Variants in CLMP observed in about 807,000 individuals in gnomAD.
CLMP encodes the protein CXADR like cell adhesion molecule.
In CLMP, 27 loss-of-function variants were observed where a neutral mutation model predicts 45.2. The observed-to-expected ratio is 0.60, with a 90% CI of 0.44 to 0.82. CLMP has a LOEUF of 0.82. Among genes scored for constraint, CLMP ranks in the 40% least tolerant of loss-of-function variants. The probability of loss-of-function intolerance (pLI) is 0.00; values close to 1 mark genes in which losing one functional copy is unlikely to be tolerated. For missense variants in CLMP, 403 were observed against 448.4 expected (o/e 0.90, Z 0.91); for synonymous variants, 167 against 171.4 (o/e 0.97, Z 0.20).
intron 2 of CLMP, among the ~76,000 whole-genome samples, chr11:123,095,694 A>G (rs368752610): frequency 5.9e-5 from 9 of 152,194 alleles, no homozygotes; most frequent in East Asian, 3.9e-4. Flanking sequence ...TTTACAACCA[A>G]GGAGCAGGGT....
chr11:123,150,436 AAAG>A (rs1363218639), intron 1 of CLMP, among the ~76,000 whole-genome samples: 1 of 62,706 alleles, frequency 1.6e-5, no homozygotes, highest in East Asian at 5.0e-4. Context: ...AGAAAGAAAG[AAAG>A]AAAGAAAGAA....
At chr11:123,127,788 G>A (rs1565390764) in intron 1 of CLMP, among the ~76,000 whole-genome samples, 1 of 152,106 alleles carries the variant, frequency 6.6e-6, no homozygotes, top group East Asian at 1.9e-4. Flanking sequence ...TGTAATTCCA[G>A]CACTTTGGGA....
intron 1 of CLMP, among the ~76,000 whole-genome samples, chr11:123,139,163 A>G (rs967455019): frequency 1.3e-5 from 2 of 152,064 alleles, no homozygotes; most frequent in African/African-American, 4.8e-5. Context: ...TGGCTTATAA[A>G]GCCTAAAATA....
intron 1 of CLMP, among the ~76,000 whole-genome samples, chr11:123,102,279 GTT>G (rs1174991262): frequency 2.6e-4 from 32 of 120,886 alleles, no homozygotes; most frequent in Admixed American, 3.9e-4. Context: ...ATCTTTCCAG[GTT>G]TTTTTTTTTT....
At chr11:123,094,190 C>G (rs924176541) in intron 2 of CLMP, among the ~76,000 whole-genome samples, 4 of 152,134 alleles carry the variant, frequency 2.6e-5, no homozygotes, top group African/African-American at 9.7e-5. Flanking sequence ...TCACTGCAGC[C>G]TCGACTTCCC....
At chr11:123,174,572 C>T (rs1384019945) in intron 1 of CLMP, among the ~76,000 whole-genome samples, 1 of 152,188 alleles carries the variant, frequency 6.6e-6, no homozygotes, top group East Asian at 1.9e-4. Flanking sequence ...CCCACTTGCC[C>T]ACTTGCTGCC....
At chr11:123,104,076 C>G (rs1393681966) in intron 1 of CLMP, among the ~76,000 whole-genome samples, 13 of 150,154 alleles carry the variant, frequency 8.7e-5, no homozygotes, top group Non-Finnish European at 1.6e-4. Context: ...GTGATCAGCC[C>G]GCCTCGGCCT....
chr11:123,143,159 T>C (rs1861188990), intron 1 of CLMP, among the ~76,000 whole-genome samples: 1 of 152,172 alleles, frequency 6.6e-6, no homozygotes, highest in South Asian at 2.1e-4. Context: ...TCCCCAATTA[T>C]TTAGCCAGCT....
At chr11:123,105,370 TCCC>T (rs1565383495) in intron 1 of CLMP, among the ~76,000 whole-genome samples, 3 of 67,402 alleles carry the variant, frequency 4.5e-5, no homozygotes, top group African/African-American at 1.7e-4. Flanking sequence ...CCTCCCTCCC[TCCC>T]TCCCTCCCTC....
intron 1 of CLMP, chr11:123,135,900 A>G: frequency 3.8e-6 from 2 of 525,788 alleles, no homozygotes; most frequent in South Asian, 3.0e-5. Context: ...TGAATCCACT[A>G]TGGGAGAACA....
At chr11:123,121,619 A>G (rs1032809809) in intron 1 of CLMP, among the ~76,000 whole-genome samples, 1 of 151,910 alleles carries the variant, frequency 6.6e-6, no homozygotes, top group South Asian at 2.1e-4. Flanking sequence ...TTAAAATCAC[A>G]TATCTGTCAG....
intron 1 of CLMP, among the ~76,000 whole-genome samples, chr11:123,130,827 GT>G (rs1181093490): frequency 1.4e-3 from 200 of 147,884 alleles, no homozygotes; most frequent in African/African-American, 4.9e-3. Context: ...AAATGGAATC[GT>G]TTTTTTCTTT....
intron 1 of CLMP, among the ~76,000 whole-genome samples, chr11:123,138,094 C>T (rs1195002949): frequency 1.3e-5 from 2 of 151,996 alleles, no homozygotes; most frequent in Non-Finnish European, 1.5e-5. Context: ...TCCTGGGCTT[C>T]TCCAGCTCTG....
rs1865826727 is a variant in CLMP, at chr11:123,083,324, G to T, written c.557-117C>A. ...TAATGCTATTTGATAAGAATGAAAT[G>T]ATGGAAAAGATATCCTTTGGGAACA... is the stretch of plus-strand genomic sequence containing the variant. On this transcript the variant is annotated intron_variant, in intron 4 of 6. Coordinates refer to ENST00000448775, the MANE Select transcript of CLMP (RefSeq NM_024769.5). 9 of 1,030,886 alleles carry T rather than the reference G, an allele frequency of 8.7e-6. 1 individual carries two copies. The highest frequency in any genetic ancestry group is 7.9e-5 in the South Asian group (5 of 63,076). The allele number at this position is 1,030,886 out of a possible 1,614,324, so 63.9% of individuals were successfully genotyped here. A position where few individuals can be genotyped will look rare whatever the true frequency, so the allele number is the denominator to read the frequency against.
chr11:123,132,426 T>A (rs1400215949), intron 1 of CLMP, among the ~76,000 whole-genome samples: 1 of 152,154 alleles, frequency 6.6e-6, no homozygotes, highest in Non-Finnish European at 1.5e-5. Context: ...TTTTTCCTTT[T>A]TTTTCTCTTA....
chr11:123,118,967 TTC>T (rs1860761452), intron 1 of CLMP, among the ~76,000 whole-genome samples: 2 of 44,646 alleles, frequency 4.5e-5, no homozygotes, highest in Admixed American at 2.9e-4. Context: ...CTTTCTTTCT[TTC>T]TTTCTTTCTT....
At chr11:123,136,394 C>A in intron 1 of CLMP, 3 of 514,686 alleles carry the variant, frequency 5.8e-6, no homozygotes, top group Non-Finnish European at 7.4e-6. Flanking sequence ...ATGATACCGC[C>A]GGTGGCCAGT....
At chr11:123,150,423 G>GAAAGAAAGAAAGAAAT (rs1861298339) in intron 1 of CLMP, among the ~76,000 whole-genome samples, 2 of 27,380 alleles carry the variant, frequency 7.3e-5, no homozygotes, top group East Asian at 2.1e-3. Flanking sequence ...AGGTAAGAAA[G>GAAAGAAAGAAAGAAAT]AAAGAAAGAA....
At chr11:123,108,359 T>G (rs1591461198) in intron 1 of CLMP, among the ~76,000 whole-genome samples, 1 of 152,202 alleles carries the variant, frequency 6.6e-6, no homozygotes, top group East Asian at 1.9e-4. Flanking sequence ...AGCTTGCAAG[T>G]TATCAGTGGA....
Sources: gnomAD v4.1 joint callset for allele counts (sites outside exome capture counted in the v4.1 genomes callset) on GRCh38, gnomAD v4.1.1 for gene constraint, MANE v1.5 for transcripts, NCBI Gene and HGNC (gene_info 2026-07-23, HGNC 2026-07-21) for gene names.